Variants in KDM4B observed in about 807,000 individuals in gnomAD.
The protein encoded by KDM4B is lysine demethylase 4B.
A neutral mutation model predicts 125.2 loss-of-function variants in KDM4B; 32 were observed. The ratio of observed to expected loss-of-function variants is 0.26; its 90% CI spans 0.19 to 0.34. KDM4B has a LOEUF of 0.34. Among genes scored for constraint, KDM4B ranks in the 10% least tolerant of loss-of-function variants. The pLI is 1.00. For synonymous variants in KDM4B, 721 were observed against 677.9 expected, an observed-to-expected ratio of 1.06 and a Z score of -0.99; for missense variants, 1,190 against 1,577.7, an observed-to-expected ratio of 0.75 and a Z score of 4.16.
At position 5,131,103 on chromosome 19, in the gene KDM4B, C is replaced by G. The variant is rs1568316007; in HGVS notation, c.1343C>G (p.Thr448Ser). Reference sequence around the variant, plus strand: ...GACGGGAGGGGCAAGCTGCGGCCAACCAAGGCCAAGAGCGAGCGGAAGAAG... The same window carrying G: ...GACGGGAGGGGCAAGCTGCGGCCAAGCAAGGCCAAGAGCGAGCGGAAGAAG... ...EEDGRGKLRPTKAKSERKKKS... is the reference protein window; with the variant it reads ...EEDGRGKLRPSKAKSERKKKS... The change falls in exon 12 of 23, where the codon ACC becomes AGC. Residue 448 changes from threonine (T) to serine (S), a missense_variant. By Grantham distance (58) the Thr-to-Ser change is moderately conservative. This residue lies in a region of KDM4B where 428 missense variants were observed against 405.1 expected (regional missense o/e 1.06). Coordinates refer to ENST00000159111, the MANE Select transcript of KDM4B (RefSeq NM_015015.3). 5 of 1,515,760 alleles carry G rather than the reference C, an allele frequency of 3.3e-6. No individual in the cohort carries two copies. In the South Asian group the frequency reaches 6.6e-5, roughly 20 times the overall value. The allele number at this position is 1,515,760 out of a possible 1,614,324, so 93.9% of individuals were successfully genotyped here.
intron 9 of KDM4B, among the ~76,000 whole-genome samples, chr19:5,089,852 GGTTT>G (rs2038631921): frequency 6.6e-6 from 1 of 152,024 alleles, no homozygotes; most frequent in Non-Finnish European, 1.5e-5. Flanking sequence ...TTGCTTCGTT[GGTTT>G]GTTTTCAGAA....
In KDM4B at chr19:5,035,880, T is replaced by TGTGTGTGTGTGTGTGTGTGTGTGTGTGC. The variant is rs58219404; in HGVS notation, c.141+2850_141+2851insTGTGTGTGTGTGTGTGTGTGTGTGTGCG. Among the ~76,000 whole-genome samples, 27 of 136,498 alleles carry TGTGTGTGTGTGTGTGTGTGTGTGTGTGC rather than the reference T, an allele frequency of 2.0e-4. No individual in the cohort carries two copies. The highest frequency in any genetic ancestry group is 7.1e-4 in the African/African-American group (27 of 37,898). The allele number at this position is 136,498 out of a possible 152,430, so 89.5% of individuals were successfully genotyped here. On this transcript the variant is annotated intron_variant, in intron 3 of 22. Coordinates refer to ENST00000159111, the MANE Select transcript of KDM4B (RefSeq NM_015015.3). This position sits in a 1 kb window ranked among gnomAD's most constrained non-coding sequence, Gnocchi z 5.3. Reference sequence around the variant, plus strand: ...ACGTGTCTCTGTGTGTGTGTGTGTGTGCGCGCGCGCGCGCGCCTGCGCGCA... The same window carrying TGTGTGTGTGTGTGTGTGTGTGTGTGTGC: ...ACGTGTCTCTGTGTGTGTGTGTGTGTGTGTGTGTGTGTGTGTGTGTGTGTGTGCGCGCGCGCGCGCGCGCCTGCGCGCA...
chr19:5,098,818 A>G (rs2038877080), intron 9 of KDM4B, among the ~76,000 whole-genome samples: 1 of 152,132 alleles, frequency 6.6e-6, no homozygotes. Flanking sequence ...CCCTCACCAG[A>G]CACCAGACCT....
At chr19:5,038,485 C>T (rs1201892983) in intron 3 of KDM4B, among the ~76,000 whole-genome samples, 4 of 152,234 alleles carry the variant, frequency 2.6e-5, no homozygotes, top group Non-Finnish European at 5.9e-5. Context: ...AGCCTTGTCT[C>T]GGTTTAACTC....
rs1351639429 is a variant in KDM4B at position 5,151,952 on chromosome 19, A to G, written c.*441A>G. On this transcript the variant is annotated 3_prime_UTR_variant, in exon 23 of 23. Coordinates refer to ENST00000159111, the MANE Select transcript of KDM4B (RefSeq NM_015015.3). ...AGTTGTTTTCTAGATTTGTGGCTTT[A>G]AGAAAAACAAAACAAAACAAACACA... 1 of 158,886 alleles carries G rather than the reference A, an allele frequency of 6.3e-6. No individual in the cohort carries two copies. Among genetic ancestry groups the G allele is most frequent in the African/African-American group, 2.4e-5 (1 of 41,770 alleles). The allele number at this position is 158,886 out of a possible 1,614,324, so 9.8% of individuals were successfully genotyped here.
chr19:4,981,518 A>T (rs2034641949), intron 1 of KDM4B, among the ~76,000 whole-genome samples: 1 of 152,078 alleles, frequency 6.6e-6, no homozygotes, highest in African/African-American at 2.4e-5. Context: ...GAGCCTTAGG[A>T]GGTGGCCATC....
intron 1 of KDM4B, among the ~76,000 whole-genome samples, chr19:5,008,984 C>T (rs905014352): frequency 4.8e-5 from 7 of 146,184 alleles, no homozygotes; most frequent in African/African-American, 1.3e-4. Context: ...GGCATGATCT[C>T]GGCTCAGGCA....
chr19:5,063,863 C>T (rs1163068703), intron 6 of KDM4B, among the ~76,000 whole-genome samples: 1 of 152,238 alleles, frequency 6.6e-6, no homozygotes, highest in African/African-American at 2.4e-5. Flanking sequence ...CACCATGCGG[C>T]TCTGAGGAGC....
At chr19:5,122,931 T>C (rs1179509833) in intron 11 of KDM4B, among the ~76,000 whole-genome samples, 2 of 152,224 alleles carry the variant, frequency 1.3e-5, no homozygotes, top group African/African-American at 4.8e-5. Context: ...TCCGGCTGCA[T>C]TGGAGATGGA....
At chr19:5,124,258 G>A (rs563196754) in intron 11 of KDM4B, among the ~76,000 whole-genome samples, 1 of 152,070 alleles carries the variant, frequency 6.6e-6, no homozygotes, top group South Asian at 2.1e-4. Context: ...CCCTTCAGGA[G>A]GGCAGAGATA....
intron 9 of KDM4B, among the ~76,000 whole-genome samples, chr19:5,093,521 G>C (rs1216633819): frequency 6.6e-6 from 1 of 152,226 alleles, no homozygotes; most frequent in Non-Finnish European, 1.5e-5. Flanking sequence ...TAATGAACTG[G>C]TTTGTTATCG....
intron 6 of KDM4B, among the ~76,000 whole-genome samples, chr19:5,069,818 G>T (rs1018006532): frequency 6.6e-6 from 1 of 151,636 alleles, no homozygotes; most frequent in Non-Finnish European, 1.5e-5. Context: ...TGTTGGCTAG[G>T]CTGGTCTTGA....
chr19:5,131,853 C>G, intron 12 of KDM4B, 34 bp from the exon 13 acceptor site: 1 of 1,612,320 alleles, frequency 6.2e-7, no homozygotes. Flanking sequence ...GGGTCTGTAG[C>G]GGGGCCCTCA....
At chr19:5,129,848 C>T (rs2039512179) in intron 11 of KDM4B, among the ~76,000 whole-genome samples, 1 of 152,240 alleles carries the variant, frequency 6.6e-6, no homozygotes, top group African/African-American at 2.4e-5. Context: ...TGCTGTGCGG[C>T]CAGGCTGGTC....
intron 8 of KDM4B, among the ~76,000 whole-genome samples, chr19:5,080,481 C>T (rs1020884752): frequency 6.6e-6 from 1 of 152,242 alleles, no homozygotes; most frequent in Non-Finnish European, 1.5e-5. Context: ...TGCCCAGCAT[C>T]GGTAGAAGTC....
chr19:5,085,709 G>T (rs1420038189), intron 9 of KDM4B, among the ~76,000 whole-genome samples: 1 of 152,222 alleles, frequency 6.6e-6, no homozygotes, highest in Non-Finnish European at 1.5e-5. Flanking sequence ...GGCACCCCTG[G>T]TGTAGTCAGG....
rs1392288646 is a variant in KDM4B at position 5,115,235 on chromosome 19, A to C, written c.1115+4417A>C. 6.6e-6 allele frequency among the ~76,000 whole-genome samples: 1 copy of C among 152,188 alleles called. No homozygotes were observed. The highest frequency in any genetic ancestry group is 2.4e-5 in the African/African-American group (1 of 41,444). Reference sequence around the variant, plus strand: ...CAGGGGGAATGTACCACGGGGCCTCAGAAAGACACAGCGGGCAAACATGGG... The same window carrying C: ...CAGGGGGAATGTACCACGGGGCCTCCGAAAGACACAGCGGGCAAACATGGG... On this transcript the variant is annotated intron_variant, in intron 10 of 22. Coordinates refer to ENST00000159111, the MANE Select transcript of KDM4B (RefSeq NM_015015.3). This position sits in a 1 kb window ranked among gnomAD's most constrained non-coding sequence, Gnocchi z 4.2.
chr19:4,985,267 T>C (rs2034788025), intron 1 of KDM4B, among the ~76,000 whole-genome samples: 1 of 151,990 alleles, frequency 6.6e-6, no homozygotes, highest in Non-Finnish European at 1.5e-5. Context: ...GAGGTTGCAG[T>C]GAGCCGAGAT....
intron 10 of KDM4B, chr19:5,111,267 C>G (rs1416647953): frequency 1.5e-6 from 1 of 676,222 alleles, no homozygotes; most frequent in African/African-American, 1.8e-5. Context: ...GGGTTCCCTG[C>G]AAGGACTCAA....
Sources: gnomAD v4.1 joint callset for allele counts (sites outside exome capture counted in the v4.1 genomes callset) on GRCh38, gnomAD v4.1.1 for gene constraint, gnomAD v4.1.1 regional missense constraint, Gnocchi (gnomAD v3.1) non-coding constraint, MANE v1.5 for transcripts, NCBI Gene and HGNC (gene_info 2026-07-23, HGNC 2026-07-21) for gene names.